IBTK: variants seen among roughly 807,000 people sequenced by gnomAD.
IBTK encodes the protein inhibitor of Bruton tyrosine kinase, also known as BTK-binding protein.
Under a neutral mutation model 154.9 loss-of-function variants are expected in IBTK, and 83 were observed. That is an observed-to-expected ratio of 0.54 (90% CI 0.45 to 0.64). The LOEUF is 0.64. IBTK is among the 30% of genes least tolerant of loss of function. IBTK has a pLI of 0.00. For synonymous variants in IBTK, 515 were observed against 536.1 expected (o/e 0.96, Z 0.54); for missense variants, 1,332 against 1,584.6 (o/e 0.84, Z 2.71).
At chr6:82,225,316 T>A (rs904172215) in intron 6 of IBTK, among the ~76,000 whole-genome samples, 161 bp downstream of exon 6, 8 of 151,058 alleles carry the variant, frequency 5.3e-5, no homozygotes, top group African/African-American at 1.9e-4. Flanking sequence ...TCTCAAAAAA[T>A]AATAATAATA....
chr6:82,191,819 T>C lies in IBTK; in HGVS notation c.3399A>G (p.Gln1133=). 6.2e-7 allele frequency: 1 copy of C among 1,610,728 alleles called. No homozygotes were observed. Among genetic ancestry groups the C allele is most frequent in the Non-Finnish European group, 8.5e-7 (1 of 1,177,064 alleles). ...GTGACTTTGGTGTAGCTCCACATTT[T>C]TGTCTACTTTCTTCTATTTCCATGA... ...RTIMEIEESR[Q]KCGATPKSHL... The change falls in exon 24 of 29, where the codon CAA becomes CAG. Residue 1133 remains glutamine, a synonymous_variant. Coordinates refer to ENST00000306270, the MANE Select transcript of IBTK (RefSeq NM_015525.4).
chr6:82,200,561 GAA>G (rs529764674), intron 20 of IBTK, 24 bp downstream of exon 20: 228 of 1,069,300 alleles, frequency 2.1e-4, no homozygotes, highest in East Asian at 5.1e-4. Flanking sequence ...AGGAGGAAAA[GAA>G]AAAAAAAAAA....
chr6:82,231,276 T>C (rs1770492554), intron 4 of IBTK, among the ~76,000 whole-genome samples: 1 of 151,900 alleles, frequency 6.6e-6, no homozygotes, highest in Admixed American at 6.6e-5. Flanking sequence ...AAGTGTGTTG[T>C]TTTCTAAATT....
intron 11 of IBTK, 100 bp downstream of exon 11, chr6:82,215,976 C>A: frequency 1.3e-6 from 1 of 783,530 alleles, no homozygotes; most frequent in Non-Finnish European, 2.1e-6. Context: ...TAGGTCTTGG[C>A]AACAGCTCTT....
intron 9 of IBTK, among the ~76,000 whole-genome samples, chr6:82,218,667 T>C (rs1280761240): frequency 6.6e-6 from 1 of 152,216 alleles, no homozygotes; most frequent in East Asian, 1.9e-4. Flanking sequence ...CCCTGAAAAG[T>C]AGCTCCAGGG....
chr6:82,235,695 T>G (rs1770689727), intron 2 of IBTK, among the ~76,000 whole-genome samples: 1 of 152,234 alleles, frequency 6.6e-6, no homozygotes, highest in African/African-American at 2.4e-5. Context: ...GAATTTTTTC[T>G]TATTTATAAT....
chr6:82,240,867 A>T (rs1770919774), intron 1 of IBTK, 24 bp from the exon 2 acceptor site: 1 of 405,448 alleles, frequency 2.5e-6, no homozygotes, highest in Non-Finnish European at 4.3e-6. Context: ...AGAAGAGAAA[A>T]TAAAAATTCA....
intron 8 of IBTK, among the ~76,000 whole-genome samples, chr6:82,221,562 T>G (rs948979277): frequency 6.6e-6 from 1 of 152,200 alleles, no homozygotes; most frequent in African/African-American, 2.4e-5. Flanking sequence ...CATAGCATTA[T>G]GTGAAATCTG....
chr6:82,234,184 T>C lies in IBTK; in HGVS notation c.393A>G (p.Pro131=). 6.3e-7 allele frequency: 1 copy of C among 1,598,652 alleles called. No individual in the cohort carries two copies. The highest frequency in any genetic ancestry group is 8.6e-7 in the Non-Finnish European group (1 of 1,167,796). Residue 131 remains proline, a synonymous_variant, in exon 3 of 29, where the codon CCA becomes CCG. Transcript: ENST00000306270. ...SALDLVMKDR[P]THVVFKNTDP... Reference sequence around the variant, plus strand: ...CAGTATTCTTGAATACTACATGAGTTGGTCTATCCTTCATTACAAGATCCA... The same window carrying C: ...CAGTATTCTTGAATACTACATGAGTCGGTCTATCCTTCATTACAAGATCCA...
At chr6:82,212,919 C>A in intron 12 of IBTK, 126 bp from the exon 13 acceptor site, 1 of 607,338 alleles carries the variant, frequency 1.6e-6, no homozygotes, top group Non-Finnish European at 2.9e-6. Context: ...TCTCAACAAA[C>A]TCCTACTCTG....
rs116671461 is a variant in IBTK at position 82,240,771 on chromosome 6, A to C, written c.-285T>G. On this transcript the variant is annotated 5_prime_UTR_variant, in exon 2 of 29. Transcript: ENST00000306270. ...AAATTATTCCTGGAGTCAAGCACCAAGGGGGAGTGAGGAGGGGAACTCCCC... is the reference window on the plus strand; with the variant it reads ...AAATTATTCCTGGAGTCAAGCACCACGGGGGAGTGAGGAGGGGAACTCCCC... The C allele has an allele frequency of 4.9e-3, 2,230 of 456,772 alleles. 49 individuals carry two copies. The highest frequency in any genetic ancestry group is 0.04 in the African/African-American group (1,975 of 49,546). 28.3% of individuals were successfully genotyped at this position (456,772 alleles called of 1,614,324 possible).
In IBTK at chr6:82,196,323, G is replaced by A. The variant is rs765425757; in HGVS notation, c.3149C>T (p.Thr1050Ile). 6.2e-7 allele frequency: 1 copy of A among 1,606,428 alleles called. No homozygotes were observed. The highest frequency in any genetic ancestry group is 8.5e-7 in the Non-Finnish European group (1 of 1,176,822). Residue 1050 changes from threonine (T) to isoleucine (I), a missense_variant, in exon 22 of 29, where the codon ACA becomes ATA. Transcript: ENST00000306270. ...CTCAATCTTATCTGAATGAAATCCT[G>A]TTGTGAAATCAGGGGACTGTAAATC... Reference protein sequence around the residue: ...PRDLQSPDFTTGFHSDKIEAK... With the variant: ...PRDLQSPDFTIGFHSDKIEAK...
intron 8 of IBTK, among the ~76,000 whole-genome samples, chr6:82,222,792 AG>A (rs1770145146): frequency 6.6e-6 from 1 of 151,928 alleles, no homozygotes; most frequent in South Asian, 2.1e-4. Flanking sequence ...AGCTGGGCGC[AG>A]TGGCTCACAT....
chr6:82,210,090 A>C (rs1163394492), intron 16 of IBTK, among the ~76,000 whole-genome samples: 2 of 152,246 alleles, frequency 1.3e-5, no homozygotes, highest in African/African-American at 4.8e-5. Context: ...CATATCTTGT[A>C]ACTAAAAGTT....
At chr6:82,212,665 A>G in intron 13 of IBTK, 42 bp downstream of exon 13, 1 of 1,345,320 alleles carries the variant, frequency 7.4e-7, no homozygotes, top group Non-Finnish European at 1.1e-6. Context: ...CTTAAGTGCC[A>G]AAATCCAGAC....
chr6:82,239,542 G>C (rs1220409073), intron 2 of IBTK, among the ~76,000 whole-genome samples: 1 of 152,092 alleles, frequency 6.6e-6, no homozygotes, highest in Non-Finnish European at 1.5e-5. Flanking sequence ...TACTAATTGA[G>C]ATGCCATTAG....
At chr6:82,244,779 C>T (rs539326521) in intron 1 of IBTK, among the ~76,000 whole-genome samples, 3 of 152,048 alleles carry the variant, frequency 2.0e-5, no homozygotes, top group Non-Finnish European at 2.9e-5. Flanking sequence ...CTAATACATA[C>T]GGAATGCTTT....
intron 19 of IBTK, 62 bp from the exon 20 acceptor site, chr6:82,200,770 T>C: frequency 6.8e-7 from 1 of 1,472,572 alleles, no homozygotes; most frequent in Non-Finnish European, 8.9e-7. Context: ...TTTTTTTTTT[T>C]TTTTTTTTTT....
At chr6:82,242,819 C>A (rs942714728) in intron 1 of IBTK, among the ~76,000 whole-genome samples, 1 of 151,990 alleles carries the variant, frequency 6.6e-6, no homozygotes, top group Non-Finnish European at 1.5e-5. Flanking sequence ...CTCCTGTAAT[C>A]CCAGCTACTT....
Sources: gnomAD v4.1 joint callset for allele counts (sites outside exome capture counted in the v4.1 genomes callset) on GRCh38, gnomAD v4.1.1 for gene constraint, MANE v1.5 for transcripts, NCBI Gene and HGNC (gene_info 2026-07-23, HGNC 2026-07-21) for gene names.